CTIF: variants seen among roughly 807,000 people sequenced by gnomAD.
CTIF encodes the protein cap binding complex dependent translation initiation factor, also known as CBP80/20-dependent translation initiation factor.
CTIF carries 21 observed loss-of-function variants against 66.0 expected under a neutral mutation model. The observed-to-expected ratio is 0.32, with a 90% CI of 0.23 to 0.46. The LOEUF is 0.46. Among genes scored for constraint, CTIF ranks in the 20% least tolerant of loss-of-function variants. CTIF has a pLI of 1.00. For synonymous variants in CTIF, 345 were observed against 326.4 expected (o/e 1.06, Z -0.62); for missense variants, 739 against 812.7 (o/e 0.91, Z 1.10).
chr18:48,852,130 A>T (rs2069216099), intron 10 of CTIF, among the ~76,000 whole-genome samples: 1 of 146,132 alleles, frequency 6.8e-6, no homozygotes, highest in South Asian at 2.3e-4. Flanking sequence ...GTTACTTGGG[A>T]GGCTGAGGCT....
At chr18:48,782,480 C>G (rs1911324240) in intron 9 of CTIF, among the ~76,000 whole-genome samples, 1 of 152,140 alleles carries the variant, frequency 6.6e-6, no homozygotes, top group Non-Finnish European at 1.5e-5. Context: ...TGTGGAAACT[C>G]AGGCAGGAGC....
chr18:48,834,053 G>A (rs542061187), intron 10 of CTIF, among the ~76,000 whole-genome samples: 17 of 106,876 alleles, frequency 1.6e-4, no homozygotes, highest in African/African-American at 3.4e-4. Flanking sequence ...CTCCCCTCCC[G>A]TTCTCTTCCT....
At chr18:48,685,512 C>T (rs1007987763) in intron 6 of CTIF, among the ~76,000 whole-genome samples, 6 of 151,174 alleles carry the variant, frequency 4.0e-5, no homozygotes, top group African/African-American at 1.5e-4. Flanking sequence ...CATGAGCCAC[C>T]ACTCTCGGCT....
chr18:48,809,446 T>C lies in CTIF; in HGVS notation c.1372-7775T>C, dbSNP rs116812503. On this transcript the variant is annotated intron_variant, in intron 9 of 11. Transcript: ENST00000256413. ...CCATGCCTTCCTGATAAAAATCTAC[T>C]TGGTTATAATGGATCTGTTTGTTAG... Among the ~76,000 whole-genome samples, 944 of 152,280 alleles carry C rather than the reference T, an allele frequency of 6.2e-3. 15 individuals carry two copies. Among genetic ancestry groups the C allele is most frequent in the African/African-American group, 0.021 (894 of 41,584 alleles).
chr18:48,565,955 C>T (rs1194237406), intron 1 of CTIF: 3 of 152,264 alleles, frequency 2.0e-5, no homozygotes, highest in Non-Finnish European at 4.4e-5. Flanking sequence ...AGTGAGTTGC[C>T]CAAGAGGCTG....
chr18:48,593,809 G>A (rs992312547), intron 1 of CTIF, among the ~76,000 whole-genome samples: 2 of 151,852 alleles, frequency 1.3e-5, no homozygotes, highest in African/African-American at 4.8e-5. Flanking sequence ...ATAGATGAAG[G>A]TGGCTGGCTG....
intron 3 of CTIF, among the ~76,000 whole-genome samples, chr18:48,659,121 G>A (rs1276755615): frequency 1.3e-5 from 2 of 152,142 alleles, no homozygotes; most frequent in Admixed American, 6.5e-5. Flanking sequence ...TTTGCCTTTA[G>A]TGGTTATATG....
At chr18:48,720,393 C>A (rs1198632316) in intron 7 of CTIF, among the ~76,000 whole-genome samples, 2 of 152,126 alleles carry the variant, frequency 1.3e-5, no homozygotes, top group African/African-American at 4.8e-5. Context: ...GACAGCTCAG[C>A]CCTGCAGTGA....
At chr18:48,776,100 G>A (rs1049211200) in intron 9 of CTIF, among the ~76,000 whole-genome samples, 7 of 152,238 alleles carry the variant, frequency 4.6e-5, no homozygotes, top group African/African-American at 1.7e-4. Context: ...ACCCTGGCCA[G>A]GCTCCAGGGC....
chr18:48,820,639 C>G (rs1249832039), intron 10 of CTIF, among the ~76,000 whole-genome samples: 5 of 152,208 alleles, frequency 3.3e-5, no homozygotes, highest in African/African-American at 1.2e-4. Context: ...CCCACCCATG[C>G]TGCCTGCCTC....
At chr18:48,577,081 C>G (rs2089549398) in intron 1 of CTIF, among the ~76,000 whole-genome samples, 1 of 152,168 alleles carries the variant, frequency 6.6e-6, no homozygotes, top group Non-Finnish European at 1.5e-5. Flanking sequence ...CTGGGGGAGC[C>G]AGGACTTGAG....
At chr18:48,678,732 C>T (rs2091686858) in intron 6 of CTIF, among the ~76,000 whole-genome samples, 4 of 151,974 alleles carry the variant, frequency 2.6e-5, no homozygotes, top group Admixed American at 2.6e-4. Flanking sequence ...TCACTCCATG[C>T]GGAGCAGAAG....
intron 7 of CTIF, among the ~76,000 whole-genome samples, chr18:48,728,468 AC>A (rs1477157557): frequency 7.9e-4 from 121 of 152,328 alleles, no homozygotes; most frequent in African/African-American, 2.7e-3. Context: ...ACAGTTTATG[AC>A]GGTCAAGCAT....
At chr18:48,808,794 T>C (rs539689744) in intron 9 of CTIF, among the ~76,000 whole-genome samples, 20 of 152,360 alleles carry the variant, frequency 1.3e-4, no homozygotes, top group African/African-American at 4.6e-4. Context: ...AAAGCTTTAT[T>C]AAGGATAAGT....
chr18:48,566,489 G>C (rs2089282836), intron 1 of CTIF: 1 of 152,270 alleles, frequency 6.6e-6, no homozygotes, highest in Non-Finnish European at 1.5e-5. Context: ...CTCAGGGGAG[G>C]CCTTTCGAGG....
chr18:48,793,568 G>A (rs918255735), intron 9 of CTIF, among the ~76,000 whole-genome samples: 2 of 152,206 alleles, frequency 1.3e-5, no homozygotes, highest in African/African-American at 4.8e-5. Context: ...TGATAGCTCA[G>A]TAAACAGAAT....
At chr18:48,674,552 C>T (rs2091594219) in intron 6 of CTIF, among the ~76,000 whole-genome samples, 1 of 152,336 alleles carries the variant, frequency 6.6e-6, no homozygotes, top group South Asian at 2.1e-4. Context: ...AGGCGTCTGG[C>T]CAAGCTCCTC....
intron 6 of CTIF, among the ~76,000 whole-genome samples, chr18:48,692,055 A>G (rs1176608695): frequency 6.6e-6 from 1 of 152,088 alleles, no homozygotes; most frequent in Admixed American, 6.5e-5. Context: ...TAATTTGTAT[A>G]TCTTTTAGTA....
intron 6 of CTIF, among the ~76,000 whole-genome samples, chr18:48,699,853 T>C (rs1233850930): frequency 6.6e-6 from 1 of 152,236 alleles, no homozygotes; most frequent in Non-Finnish European, 1.5e-5. Context: ...CTGCGGTAAG[T>C]GGCAGTGACA....
Sources: gnomAD v4.1 joint callset for allele counts (sites outside exome capture counted in the v4.1 genomes callset) on GRCh38, gnomAD v4.1.1 for gene constraint, MANE v1.5 for transcripts, NCBI Gene and HGNC (gene_info 2026-07-23, HGNC 2026-07-21) for gene names.